Variants in TRPC4 observed in about 807,000 individuals in gnomAD.
TRPC4 encodes transient receptor potential cation channel subfamily C member 4.
In TRPC4, 49 loss-of-function variants were observed where a neutral mutation model predicts 99.4. The observed-to-expected ratio is 0.49, with a 90% confidence interval of 0.39 to 0.63. The LOEUF is 0.63. TRPC4 is among the 20% of genes least tolerant of loss of function. The pLI, the probability that TRPC4 is intolerant of heterozygous loss-of-function variation, is 0.00. For missense variants in TRPC4, 898 were observed against 1,152.9 expected (o/e 0.78, Z 3.20); for synonymous variants, 454 against 425.9 (o/e 1.07, Z -0.81).
intron 1 of TRPC4, among the ~76,000 whole-genome samples, chr13:37,840,591 A>G (rs753368682): frequency 6.6e-6 from 1 of 151,956 alleles, no homozygotes; most frequent in Non-Finnish European, 1.5e-5. Context: ...AGGCAAAATT[A>G]TCAAATATAG....
At chr13:37,724,506 TCATATTATGATG>T (rs1954973523) in intron 3 of TRPC4, among the ~76,000 whole-genome samples, 1 of 152,190 alleles carries the variant, frequency 6.6e-6, no homozygotes. Flanking sequence ...ATTTACATTA[TCATATTATGATG>T]AATTGTTATT....
chr13:37,681,560 C>A (rs976109838), intron 4 of TRPC4, among the ~76,000 whole-genome samples: 1 of 151,842 alleles, frequency 6.6e-6, no homozygotes, highest in Non-Finnish European at 1.5e-5. Flanking sequence ...AGCATGGTAG[C>A]GAAATGGCCA....
rs1261943562 is a variant in TRPC4 at position 37,814,821 on chromosome 13, G to C, written c.-27-31461C>G. ...TCCAACTTACTTTTTAAAAGAAATTGACAAGCTGATTCTCAAATGTATAGT... is the reference window on the plus strand; with the variant it reads ...TCCAACTTACTTTTTAAAAGAAATTCACAAGCTGATTCTCAAATGTATAGT... On this transcript the variant is annotated intron_variant, in intron 1 of 10. Transcript: ENST00000379705. 2.0e-5 allele frequency among the ~76,000 whole-genome samples: 3 copies of C among 151,678 alleles called. No individual in the cohort carries two copies. In the East Asian group the frequency reaches 5.8e-4, roughly 29 times the overall value.
intron 2 of TRPC4, among the ~76,000 whole-genome samples, chr13:37,781,964 G>A (rs557655436): frequency 6.6e-6 from 1 of 152,128 alleles, no homozygotes; most frequent in South Asian, 2.1e-4. Context: ...CGTTTGCAGA[G>A]ACCGAGATGT....
At chr13:37,672,301 C>A (rs1395033767) in intron 5 of TRPC4, among the ~76,000 whole-genome samples, 1 of 152,088 alleles carries the variant, frequency 6.6e-6, no homozygotes, top group Non-Finnish European at 1.5e-5. Context: ...TAAATATTGT[C>A]TAAATAGATG....
rs557316563 is a variant in TRPC4 at position 37,822,345 on chromosome 13, T to C, written c.-27-38985A>G. Among the ~76,000 whole-genome samples the C allele has an allele frequency of 8.5e-5, 13 of 152,154 alleles. No individual in the cohort carries two copies. The East Asian group carries it at 2.5e-3, about 29-fold the overall frequency. ...AATGTGCAGGTTAGTTACATATGTA[T>C]ACATGTGCCATGCTGGTGCGCTGCA... On this transcript the variant is annotated intron_variant, in intron 1 of 10. Coordinates refer to ENST00000379705, the MANE Select transcript of TRPC4 (RefSeq NM_016179.4).
chr13:37,799,420 C>T (rs1313900591), intron 1 of TRPC4, among the ~76,000 whole-genome samples: 2 of 152,228 alleles, frequency 1.3e-5, no homozygotes, highest in South Asian at 4.1e-4. Context: ...TCTAGAAACC[C>T]TCTTGACTGT....
At chr13:37,798,283 C>T (rs1957307974) in intron 1 of TRPC4, among the ~76,000 whole-genome samples, 2 of 152,084 alleles carry the variant, frequency 1.3e-5, no homozygotes, top group African/African-American at 4.8e-5. Flanking sequence ...CTCACTCTGG[C>T]TCCTAGAGCT....
At chr13:37,848,507 C>T (rs75514383) in intron 1 of TRPC4, among the ~76,000 whole-genome samples, 1,654 of 152,128 alleles carry the variant, frequency 0.011, 23 homozygotes, top group African/African-American at 0.038. Flanking sequence ...ATTTTTGATG[C>T]TTGTAAGAGC....
At chr13:37,699,518 C>T (rs141108903) in intron 3 of TRPC4, among the ~76,000 whole-genome samples, 1 of 152,080 alleles carries the variant, frequency 6.6e-6, no homozygotes, top group Non-Finnish European at 1.5e-5. Context: ...GGCAAAAAAT[C>T]AATAGAGATT....
intron 1 of TRPC4, among the ~76,000 whole-genome samples, chr13:37,804,349 G>A (rs1208867862): frequency 1.3e-5 from 2 of 152,098 alleles, no homozygotes; most frequent in Non-Finnish European, 2.9e-5. Context: ...CCTGAAGTCA[G>A]ACAACTAGTA....
At chr13:37,786,102 A>G (rs1365946667) in intron 1 of TRPC4, among the ~76,000 whole-genome samples, 2 of 152,106 alleles carry the variant, frequency 1.3e-5, no homozygotes, top group Admixed American at 1.3e-4. Flanking sequence ...GAATGAAAGC[A>G]TTGGTGCTGA....
At chr13:37,717,187 C>T (rs976446333) in intron 3 of TRPC4, among the ~76,000 whole-genome samples, 3 of 152,040 alleles carry the variant, frequency 2.0e-5, no homozygotes, top group Non-Finnish European at 2.9e-5. Context: ...TGATATAATT[C>T]TCAGTGAATT....
chr13:37,736,313 G>A (rs982449725), intron 3 of TRPC4, among the ~76,000 whole-genome samples: 12 of 152,126 alleles, frequency 7.9e-5, no homozygotes, highest in Admixed American at 3.9e-4. Context: ...GAAAAGAGAG[G>A]CAGATGCTCA....
chr13:37,673,398 A>G (rs1952930471), intron 5 of TRPC4, among the ~76,000 whole-genome samples: 1 of 152,018 alleles, frequency 6.6e-6, no homozygotes, highest in African/African-American at 2.4e-5. Context: ...GTTTATCTAC[A>G]TGTTAGAATT....
intron 7 of TRPC4, among the ~76,000 whole-genome samples, chr13:37,652,083 A>G (rs1952065022): frequency 6.6e-6 from 1 of 152,242 alleles, no homozygotes; most frequent in Non-Finnish European, 1.5e-5. Flanking sequence ...GTGGTTGCCC[A>G]CAATCCTGAG....
intron 1 of TRPC4, among the ~76,000 whole-genome samples, chr13:37,850,696 T>G (rs1416886243): frequency 6.6e-6 from 1 of 152,192 alleles, no homozygotes; most frequent in Non-Finnish European, 1.5e-5. Context: ...TTAACACTCC[T>G]TCTGAAAACA....
intron 3 of TRPC4, among the ~76,000 whole-genome samples, chr13:37,703,011 G>A (rs765993053): frequency 7.2e-5 from 11 of 152,106 alleles, no homozygotes; most frequent in Non-Finnish European, 1.6e-4. Flanking sequence ...GGGTCATAAA[G>A]CTTTAATGTA....
At chr13:37,867,307 T>C (rs1215384051) in intron 1 of TRPC4, among the ~76,000 whole-genome samples, 2 of 152,020 alleles carry the variant, frequency 1.3e-5, no homozygotes, top group African/African-American at 2.4e-5. Flanking sequence ...TTTGTTCCAA[T>C]ATATGCATCG....
Sources: allele counts gnomAD v4.1 joint callset (sites outside exome capture counted in the v4.1 genomes callset), GRCh38; gene constraint gnomAD v4.1.1; transcripts MANE v1.5; gene names NCBI Gene and HGNC (gene_info 2026-07-23, HGNC 2026-07-21).